Variants in RNF207 observed in about 807,000 individuals in gnomAD.
The protein encoded by RNF207 is OTTHUMG00000001089.
Under a neutral mutation model 79.0 loss-of-function variants are expected in RNF207, and 72 were observed. That is an observed-to-expected ratio of 0.91 (90% CI 0.75 to 1.11). The LOEUF (loss-of-function observed/expected upper bound fraction) is 1.11, where lower values mean the gene tolerates loss of function less well. Ranked by LOEUF, RNF207 falls within the 50% of genes least tolerant of loss-of-function variation. RNF207 has a pLI of 0.00. For synonymous variants in RNF207, 348 were observed against 366.2 expected (o/e 0.95, Z 0.57); for missense variants, 936 against 855.8 (o/e 1.09, Z -1.17).
In RNF207 at chr1:6,219,498, AT is replaced by A; in HGVS notation, c.*97del. On this transcript the variant is annotated 3_prime_UTR_variant, in exon 18 of 18. Transcript: ENST00000377939. ...GGTTGTTCCCATGATGGTTTTTTTT[AT>A]TTTTTATTTTTGAGATGGAGTTTCG... is the stretch of plus-strand genomic sequence containing the variant. 13 of 980,614 alleles carry A rather than the reference AT, an allele frequency of 1.3e-5. No homozygotes were observed. The highest frequency in any genetic ancestry group is 1.7e-5 in the Non-Finnish European group (12 of 688,764). The allele number at this position is 980,614 out of a possible 1,614,324, so 60.7% of individuals were successfully genotyped here.
At position 6,212,737 on chromosome 1, in the gene RNF207, C is replaced by T. The variant is rs751617643; in HGVS notation, c.1534+4C>T. On this transcript the variant is annotated splice_donor_region_variant and intron_variant, in intron 15 of 17. Transcript: ENST00000377939. ...AATGAGCAGGAGATTTATGAAGGTT[C>T]CAGACAGTTGGCTGCCGAGTGAACC... The T allele has an allele frequency of 3.7e-6, 6 of 1,611,820 alleles. No homozygotes were observed. The highest frequency in any genetic ancestry group is 1.7e-4 in the Middle Eastern group (1 of 6,050).
Position 6,211,790 on chromosome 1 carries a change from C to A in RNF207, c.1110-77C>A. 2 of 1,115,528 alleles carry A rather than the reference C, an allele frequency of 1.8e-6. No individual in the cohort carries two copies. The highest frequency in any genetic ancestry group is 2.6e-6 in the Non-Finnish European group (2 of 772,090). The allele number at this position is 1,115,528 out of a possible 1,614,324, so 69.1% of individuals were successfully genotyped here. On this transcript the variant is annotated intron_variant, in intron 12 of 17. Coordinates refer to ENST00000377939, the MANE Select transcript of RNF207 (RefSeq NM_207396.3). This position sits in a 1 kb window ranked among gnomAD's most constrained non-coding sequence, Gnocchi z 4.2. Reference sequence around the variant, plus strand: ...GAGGGCTGTGAGATCCCGGAGCAGTCCAGGGGGCTGCCCTGGGAGGCTGGG... The same window carrying A: ...GAGGGCTGTGAGATCCCGGAGCAGTACAGGGGGCTGCCCTGGGAGGCTGGG...
intron 1 of RNF207, 25 bp from the exon 2 acceptor site, chr1:6,206,511 C>A (rs953826891): frequency 9.9e-6 from 15 of 1,521,148 alleles, no homozygotes; most frequent in Non-Finnish European, 1.3e-5. Flanking sequence ...CGTGCCCCAG[C>A]CGCCCGCTTG....
chr1:6,213,460 C>A (rs1423383954), intron 16 of RNF207, among the ~76,000 whole-genome samples: 12 of 143,940 alleles, frequency 8.3e-5, no homozygotes, highest in Non-Finnish European at 1.8e-4. Flanking sequence ...CACAGTGAGA[C>A]CTTGTCTTAA....
Position 6,218,379 on chromosome 1 carries a change from GTC to G in RNF207, c.1733+15_1733+16del, listed in dbSNP as rs1668435532. On this transcript the variant is annotated intron_variant, in intron 17 of 17. Coordinates refer to ENST00000377939, the MANE Select transcript of RNF207 (RefSeq NM_207396.3). ...ACGCGGCCTCAGCCAGGTAAAGCAA[GTC>G]TCTCCACTGGAGAGTGTGCACGCGA... The G allele has an allele frequency of 6.2e-7, 1 of 1,600,610 alleles. No homozygotes were observed.
At chr1:6,210,603 C>T (rs1668122425) in intron 10 of RNF207, 165 bp downstream of exon 10, 1 of 639,348 alleles carries the variant, frequency 1.6e-6, no homozygotes, top group Non-Finnish European at 2.7e-6. Context: ...GTTAGGGTCA[C>T]TGTTACAAGG....
At chr1:6,206,429 G>A (rs1667901380) in intron 1 of RNF207, 107 bp from the exon 2 acceptor site, 1 of 759,916 alleles carries the variant, frequency 1.3e-6, no homozygotes, top group Non-Finnish European at 2.1e-6. Context: ...ACGCCCAGTC[G>A]GGTCCAGGCG....
intron 8 of RNF207, 109 bp from the exon 9 acceptor site, chr1:6,210,114 G>A: frequency 7.7e-7 from 1 of 1,301,634 alleles, no homozygotes. Flanking sequence ...GGCTCAGGGT[G>A]CAGAGAAGGG....
intron 16 of RNF207, among the ~76,000 whole-genome samples, chr1:6,214,686 GTGCAGTGGCA>G (rs1668303686): frequency 7.4e-6 from 1 of 135,620 alleles, no homozygotes; most frequent in African/African-American, 2.9e-5. Context: ...CCAGGCTGGA[GTGCAGTGGCA>G]TGATCTCAGC....
At chr1:6,209,847 G>A in intron 7 of RNF207, 77 bp from the exon 8 acceptor site, 1 of 1,458,988 alleles carries the variant, frequency 6.9e-7, no homozygotes, top group Non-Finnish European at 9.3e-7. Context: ...GCAGGTGGCT[G>A]GGGTCCGGGG....
rs569604432 is a variant in RNF207 at position 6,211,915 on chromosome 1, C to T, written c.1158C>T (p.Pro386=). ...GPKALTGPHC[P]SPVGKMSGSP... Reference sequence around the variant, plus strand: ...AGGCGCTGACGGGGCCCCACTGCCCCTCCCCAGTAGGAAAGATGTCGGGGT... The same window carrying T: ...AGGCGCTGACGGGGCCCCACTGCCCTTCCCCAGTAGGAAAGATGTCGGGGT... The change falls in exon 13 of 18, where the codon CCC becomes CCT. Residue 386 remains proline, a synonymous_variant. Transcript: ENST00000377939. The surrounding 1 kb of genome is among the most constrained non-coding windows in gnomAD (Gnocchi z 4.2). 4.1e-4 allele frequency: 635 copies of T among 1,550,916 alleles called. 1 individual carries two copies. The highest frequency in any genetic ancestry group is 5.3e-4 in the Non-Finnish European group (605 of 1,147,348).
At chr1:6,210,475 A>T in intron 10 of RNF207, 37 bp downstream of exon 10, 2 of 1,540,096 alleles carry the variant, frequency 1.3e-6, no homozygotes, top group Non-Finnish European at 1.8e-6. Context: ...CCCCCTCCCC[A>T]CCAGGAGCCC....
rs1261113891 is a variant in RNF207 at position 6,211,358 on chromosome 1, G to A, written c.1109+240G>A. Among the ~76,000 whole-genome samples, 1 of 152,130 alleles carries A rather than the reference G, an allele frequency of 6.6e-6. No homozygotes were observed. The highest frequency in any genetic ancestry group is 1.5e-5 in the Non-Finnish European group (1 of 68,008). ...CCATGGCAGACCGGGCTCGGAGCTT[G>A]GCTAAAGGAGGAGGGGAGGACTCAG... On this transcript the variant is annotated intron_variant, in intron 12 of 17. Transcript: ENST00000377939. This position sits in a 1 kb window ranked among gnomAD's most constrained non-coding sequence, Gnocchi z 4.2.
rs929001857 is a variant in RNF207 at position 6,217,490 on chromosome 1, G to A, written c.1653-799G>A. ...CCCTACCTGGATGTCTACAGGCACCGCGAGTTCAGCAGTGGCCAGAATGCT... is the reference window on the plus strand; with the variant it reads ...CCCTACCTGGATGTCTACAGGCACCACGAGTTCAGCAGTGGCCAGAATGCT... On this transcript the variant is annotated intron_variant, in intron 16 of 17. Transcript: ENST00000377939. This position sits in a 1 kb window ranked among gnomAD's most constrained non-coding sequence, Gnocchi z 4.2. Among the ~76,000 whole-genome samples, 2 of 152,252 alleles carry A rather than the reference G, an allele frequency of 1.3e-5. No individual in the cohort carries two copies. Among genetic ancestry groups the A allele is most frequent in the South Asian group, 2.1e-4 (1 of 4,826 alleles).
intron 17 of RNF207, 87 bp from the exon 18 acceptor site, chr1:6,219,149 C>A: frequency 1.6e-6 from 2 of 1,248,028 alleles, no homozygotes; most frequent in Non-Finnish European, 1.1e-6. Flanking sequence ...ACGTTCCATT[C>A]TGAGTGCTTT....
rs535297214 is a variant in RNF207, at chr1:6,217,166, T to C, written c.1653-1123T>C. Among the ~76,000 whole-genome samples the C allele has an allele frequency of 1.3e-5, 2 of 152,266 alleles. No homozygotes were observed. The highest frequency in any genetic ancestry group is 4.1e-4 in the South Asian group (2 of 4,820). Reference sequence around the variant, plus strand: ...TTATAGACGTGACCGTGCCTAGCCATGTTAGTCTTCAGTACACCTTCTCTT... The same window carrying C: ...TTATAGACGTGACCGTGCCTAGCCACGTTAGTCTTCAGTACACCTTCTCTT... On this transcript the variant is annotated intron_variant, in intron 16 of 17. Coordinates refer to ENST00000377939, the MANE Select transcript of RNF207 (RefSeq NM_207396.3). This position sits in a 1 kb window ranked among gnomAD's most constrained non-coding sequence, Gnocchi z 4.2.
chr1:6,209,066 C>A, intron 4 of RNF207, 41 bp downstream of exon 4: 2 of 644,488 alleles, frequency 3.1e-6, no homozygotes, highest in South Asian at 1.7e-5. Context: ...GGGGTGGGGG[C>A]GGGGCGGGCA....
At chr1:6,218,182 G>A in intron 16 of RNF207, 107 bp from the exon 17 acceptor site, 1 of 719,682 alleles carries the variant, frequency 1.4e-6, no homozygotes, top group Non-Finnish European at 2.4e-6. Context: ...GAAACGCTAG[G>A]TGGGTGCATG....
chr1:6,214,630 C>CT lies in RNF207; in HGVS notation c.1652+1470dup, dbSNP rs144139448. On this transcript the variant is annotated intron_variant, in intron 16 of 17. Coordinates refer to ENST00000377939, the MANE Select transcript of RNF207 (RefSeq NM_207396.3). ...GTTGGCCAGGCTGGAATATTTCTTT[C>CT]TTTTTTTTTTTTTTTTTTTTTTTGA... is the stretch of plus-strand genomic sequence containing the variant. Among the ~76,000 whole-genome samples, 691 of 70,636 alleles carry CT rather than the reference C, an allele frequency of 9.8e-3. 13 individuals carry two copies. The highest frequency in any genetic ancestry group is 0.011 in the Non-Finnish European group (432 of 38,516). 46.3% of individuals were successfully genotyped at this position (70,636 alleles called of 152,430 possible).
Sources: allele counts gnomAD v4.1 joint callset (sites outside exome capture counted in the v4.1 genomes callset), GRCh38; gene constraint gnomAD v4.1.1; non-coding constraint Gnocchi (gnomAD v3.1); transcripts MANE v1.5; gene names NCBI Gene and HGNC (gene_info 2026-07-23, HGNC 2026-07-21).